Variants in GLIPR1L1 observed in about 807,000 individuals in gnomAD.
The protein encoded by GLIPR1L1 is GLIPR1 like 1.
Under a neutral mutation model 29.9 loss-of-function variants are expected in GLIPR1L1, and 26 were observed. That is an observed-to-expected ratio of 0.87 (90% confidence interval 0.64 to 1.21). The LOEUF (loss-of-function observed/expected upper bound fraction) is 1.21, where lower values mean the gene tolerates loss of function less well. GLIPR1L1 is among the 50% of genes most tolerant of loss of function. GLIPR1L1 has a pLI of 0.00. For synonymous variants in GLIPR1L1, 77 were observed against 97.5 expected (o/e 0.79, Z 1.24); for missense variants, 305 against 290.3 (o/e 1.05, Z -0.37).
At position 75,356,475 on chromosome 12, in the gene GLIPR1L1, C is replaced by T. The variant is rs558073986; in HGVS notation, c.522-6627C>T. The stretch of plus-strand genomic sequence containing the variant: ...ATCCATGTGAAGTGCGATAATCTAA[C>T]TTGATCGTGATAAGTAAAAGATGCA... On this transcript the variant is annotated intron_variant, in intron 3 of 5. Coordinates refer to ENST00000378695, the MANE Select transcript of GLIPR1L1 (RefSeq NM_001304964.2). Among the ~76,000 whole-genome samples the T allele has an allele frequency of 2.1e-4, 32 of 152,226 alleles. No individual in the cohort carries two copies. In the South Asian group the frequency reaches 5.2e-3, roughly 25 times the overall value.
Position 75,347,639 on chromosome 12 carries a change from AT to A in GLIPR1L1, c.442del (p.Tyr148MetfsTer37). 6 of 1,609,036 alleles carry A rather than the reference AT, an allele frequency of 3.7e-6. No individual in the cohort carries two copies. Among genetic ancestry groups the A allele is most frequent in the Non-Finnish European group, 5.1e-6 (6 of 1,176,608 alleles). On this transcript the variant is annotated frameshift_variant, in exon 3 of 6. Coordinates refer to ENST00000378695, the MANE Select transcript of GLIPR1L1 (RefSeq NM_001304964.2). LOFTEE classifies it high-confidence loss of function. ...CTTTATAGTTAGTTTGGGCCAATTC[AT>A]TTTATGTCGGTTGTGCAGTTGCAAT... ...HYTQLVWANS[F>X]YVGCAVAMCP... is the part of the protein sequence containing the mutation.
chr12:75,351,082 T>C (rs2042777435), intron 3 of GLIPR1L1, among the ~76,000 whole-genome samples: 1 of 151,792 alleles, frequency 6.6e-6, no homozygotes, highest in African/African-American at 2.4e-5. Flanking sequence ...ACAGACCAAG[T>C]GGAAGAAAGG....
At chr12:75,369,470 T>A (rs1009832536) in intron 4 of GLIPR1L1, 35 of 946,358 alleles carry the variant, frequency 3.7e-5, no homozygotes, top group Non-Finnish European at 4.0e-5. Flanking sequence ...ATTATTTTTT[T>A]AAGTAGATTA....
intron 3 of GLIPR1L1, among the ~76,000 whole-genome samples, chr12:75,361,589 A>T (rs1197772643): frequency 1.3e-5 from 2 of 152,212 alleles, no homozygotes; most frequent in Non-Finnish European, 2.9e-5. Context: ...TAATTGACTC[A>T]TGGTTCCACG....
At chr12:75,364,556 T>C (rs2043837207) in intron 4 of GLIPR1L1, among the ~76,000 whole-genome samples, 1 of 152,190 alleles carries the variant, frequency 6.6e-6, no homozygotes, top group South Asian at 2.1e-4. Context: ...TAGACAGGCA[T>C]TCATTAACTG....
chr12:75,338,343 C>T lies in GLIPR1L1; in HGVS notation c.174+3441C>T, dbSNP rs543821141. Among the ~76,000 whole-genome samples the T allele has an allele frequency of 1.5e-4, 23 of 152,146 alleles. No individual in the cohort carries two copies. The South Asian group carries it at 3.9e-3, about 26-fold the overall frequency. On this transcript the variant is annotated intron_variant, in intron 1 of 5. Coordinates refer to ENST00000378695, the MANE Select transcript of GLIPR1L1 (RefSeq NM_001304964.2). ...CTGGAAACACCATTAACAGAAAACT[C>T]CCCAGAAAATGAAAAATCTGTGAGA...
chr12:75,349,727 T>C (rs1732300296), intron 3 of GLIPR1L1, among the ~76,000 whole-genome samples: 1 of 152,056 alleles, frequency 6.6e-6, no homozygotes, highest in Non-Finnish European at 1.5e-5. Context: ...TTCAAAATCA[T>C]AACATTAGAA....
intron 3 of GLIPR1L1, among the ~76,000 whole-genome samples, chr12:75,359,371 T>C (rs913455720): frequency 1.5e-5 from 2 of 137,914 alleles, no homozygotes; most frequent in African/African-American, 5.4e-5. Context: ...TTTTTTTTTT[T>C]TTTTTTTTTT....
In GLIPR1L1 at chr12:75,343,706, GT is replaced by G; in HGVS notation, c.191del (p.Leu64Ter). The G allele has an allele frequency of 1.9e-6, 3 of 1,607,876 alleles. No homozygotes were observed. The highest frequency in any genetic ancestry group is 2.6e-6 in the Non-Finnish European group (3 of 1,176,228). On this transcript the variant is annotated frameshift_variant, in exon 2 of 6. Transcript: ENST00000378695. LOFTEE classifies it high-confidence loss of function. Reference protein sequence around the residue: ...ADMKYMIWDKGLAKMAKAWAN... With the variant: ...ADMKYMIWDKXLAKMAKAWAN... ...TTTATCTTTCAGATTTGGGATAAAG[GT>G]TTAGCAAAGATGGCTAAAGCATGGG...
Position 75,334,901 on chromosome 12 carries a change from T to A in GLIPR1L1, c.173T>A (p.Met58Lys). 1 of 1,613,354 alleles carries A rather than the reference T, an allele frequency of 6.2e-7. No homozygotes were observed. Among genetic ancestry groups the A allele is most frequent in the Non-Finnish European group, 8.5e-7 (1 of 1,179,508 alleles). ...VNPPAADMKY[M>K]IWDKGLAKMA... ...CCTCCCGCGGCCGACATGAAATACA[T>A]GGTGAGAAAGAACCAGGGCTGGGCT... The change falls in exon 1 of 6, where the codon ATG becomes AAG. Residue 58 changes from methionine to lysine, a missense_variant and splice_region_variant. Physicochemically the swap from Met to Lys is moderately conservative, Grantham distance 95. Coordinates refer to ENST00000378695, the MANE Select transcript of GLIPR1L1 (RefSeq NM_001304964.2).
intron 5 of GLIPR1L1, 45 bp from the exon 6 acceptor site, chr12:75,370,040 C>G (rs373717483): frequency 2.3e-6 from 3 of 1,313,240 alleles, no homozygotes; most frequent in African/African-American, 2.9e-5. Flanking sequence ...CGTTGAAAAT[C>G]AATTGAACTC....
intron 2 of GLIPR1L1, among the ~76,000 whole-genome samples, chr12:75,344,242 G>C (rs914687989): frequency 1.3e-5 from 2 of 151,992 alleles, no homozygotes; most frequent in African/African-American, 4.8e-5. Context: ...CTGGAAGTGG[G>C]AAGTTCTCTT....
In GLIPR1L1 at chr12:75,343,785, C is replaced by T. The variant is rs577634037; in HGVS notation, c.267C>T (p.Cys89=). The change falls in exon 2 of 6, where the codon TGC becomes TGT. Residue 89 remains cysteine (C), a synonymous_variant. Transcript: ENST00000378695. ...HNDCLDKSYK[C]YAAFEYVGEN... is the part of the protein sequence containing the mutation. ...ACTGTTTGGATAAATCATATAAATGCTATGCAGCTTTTGAATATGTTGGAG... is the reference window on the plus strand; with the variant it reads ...ACTGTTTGGATAAATCATATAAATGTTATGCAGCTTTTGAATATGTTGGAG... 17 of 1,612,948 alleles carry T rather than the reference C, an allele frequency of 1.1e-5. No individual in the cohort carries two copies. In the African/African-American group the frequency reaches 1.3e-4, roughly 13 times the overall value.
intron 3 of GLIPR1L1, among the ~76,000 whole-genome samples, chr12:75,354,200 T>C (rs979866759): frequency 8.0e-5 from 12 of 150,600 alleles, no homozygotes; most frequent in African/African-American, 3.0e-4. Flanking sequence ...AAAGAGGAAG[T>C]CAAATTGTCT....
chr12:75,361,869 T>C (rs1231057190), intron 3 of GLIPR1L1, among the ~76,000 whole-genome samples: 1 of 152,070 alleles, frequency 6.6e-6, no homozygotes, highest in Non-Finnish European at 1.5e-5. Context: ...GAGATTTGGG[T>C]GGGGACACAG....
intron 1 of GLIPR1L1, 69 bp downstream of exon 1, chr12:75,334,971 A>C: frequency 7.0e-7 from 1 of 1,435,908 alleles, no homozygotes; most frequent in Non-Finnish European, 9.6e-7. Context: ...GATAAATTTC[A>C]CGGACTTAAC....
intron 3 of GLIPR1L1, among the ~76,000 whole-genome samples, chr12:75,349,345 A>G (rs186078430): frequency 1.4e-4 from 22 of 152,364 alleles, no homozygotes; most frequent in African/African-American, 5.3e-4. Flanking sequence ...CAGAATTTTA[A>G]GAAAAGAACA....
intron 3 of GLIPR1L1, among the ~76,000 whole-genome samples, chr12:75,353,169 A>T (rs1208216392): frequency 6.6e-6 from 1 of 152,044 alleles, no homozygotes; most frequent in Non-Finnish European, 1.5e-5. Flanking sequence ...AGGTGATACA[A>T]ACAAGAAAAA....
chr12:75,360,180 A>G (rs946999546), intron 3 of GLIPR1L1: 1 of 152,146 alleles, frequency 6.6e-6, no homozygotes, highest in African/African-American at 2.4e-5. Context: ...AATTCGAGAT[A>G]AGGTTTGGGT....
Sources: gnomAD v4.1 joint callset for allele counts (sites outside exome capture counted in the v4.1 genomes callset) on GRCh38, gnomAD v4.1.1 for gene constraint, MANE v1.5 for transcripts, NCBI Gene and HGNC (gene_info 2026-07-23, HGNC 2026-07-21) for gene names.